Variants in PCDHGB4 observed in about 807,000 individuals in gnomAD.
PCDHGB4 encodes protocadherin gamma-B4.
In PCDHGB4, 38 loss-of-function variants were observed where a neutral mutation model predicts 60.5. That is an observed-to-expected ratio of 0.63 (90% CI 0.48 to 0.82). The LOEUF (loss-of-function observed/expected upper bound fraction) is 0.82, where lower values mean the gene tolerates loss of function less well. Ranked by LOEUF, PCDHGB4 falls within the 40% of genes least tolerant of loss-of-function variation. The probability of loss-of-function intolerance (pLI) is 0.00; values close to 1 mark genes in which losing one functional copy is unlikely to be tolerated. For missense variants in PCDHGB4, 1,109 were observed against 1,209.6 expected (o/e 0.92, Z 1.23); for synonymous variants, 456 against 509.7 (o/e 0.89, Z 1.42).
intron 1 of PCDHGB4, chr5:141,404,653 C>A (rs754039673): frequency 2.4e-5 from 39 of 1,614,206 alleles, no homozygotes; most frequent in Non-Finnish European, 3.1e-5. Flanking sequence ...ACCCTGCCCT[C>A]CCCACTGATG....
chr5:141,420,047 G>T lies in PCDHGB4; in HGVS notation c.2397+29766G>T. ...TACTGCAGGAGACTGCTTTGAGTCA[G>T]TTCTCTGCTCCAAGTCCGGACCTGT... On this transcript the variant is annotated intron_variant, in intron 1 of 3. Coordinates refer to ENST00000519479, the MANE Select transcript of PCDHGB4 (RefSeq NM_003736.4). 3 of 1,614,076 alleles carry T rather than the reference G, an allele frequency of 1.9e-6. No individual in the cohort carries two copies. The South Asian group carries it at 3.3e-5, about 18-fold the overall frequency.
At chr5:141,433,212 T>C (rs747556366) in intron 1 of PCDHGB4, 75 of 1,570,956 alleles carry the variant, frequency 4.8e-5, no homozygotes, top group Non-Finnish European at 6.2e-5. Flanking sequence ...TTCTTTCTTT[T>C]TTTTTTTTAA....
chr5:141,432,395 G>C lies in PCDHGB4; in HGVS notation c.2397+42114G>C, dbSNP rs748660079. The C allele has an allele frequency of 1.2e-6, 2 of 1,614,242 alleles. No homozygotes were observed. The highest frequency in any genetic ancestry group is 4.5e-5 in the East Asian group (2 of 44,882). On this transcript the variant is annotated intron_variant, in intron 1 of 3. Coordinates refer to ENST00000519479, the MANE Select transcript of PCDHGB4 (RefSeq NM_003736.4). The surrounding 1 kb of genome is among the most constrained non-coding windows in gnomAD (Gnocchi z 6.0). The stretch of plus-strand genomic sequence containing the variant: ...CGGGCACCCGCCCCTCAGCAGCAAC[G>C]TGTCGTTGAGCCTGTTCGTGCTGGA...
chr5:141,416,759 C>T (rs1045872662), intron 1 of PCDHGB4: 2 of 152,130 alleles, frequency 1.3e-5, no homozygotes, highest in African/African-American at 4.8e-5. Flanking sequence ...TTAGGTAGAT[C>T]TCTTAATTTT....
chr5:141,408,211 G>A (rs1285774248), intron 1 of PCDHGB4: 1 of 1,554,426 alleles, frequency 6.4e-7, no homozygotes, highest in South Asian at 1.2e-5. Flanking sequence ...CGATGGGAGG[G>A]AGCTGCGCGC....
At chr5:141,481,703 C>T (rs909197135) in intron 1 of PCDHGB4, among the ~76,000 whole-genome samples, 1 of 152,090 alleles carries the variant, frequency 6.6e-6, no homozygotes, top group Admixed American at 6.5e-5. Context: ...CCTGTAATCC[C>T]AGCACTTTGG....
chr5:141,415,105 C>T (rs1472993181), intron 1 of PCDHGB4: 1 of 1,613,652 alleles, frequency 6.2e-7, no homozygotes, highest in African/African-American at 1.3e-5. Flanking sequence ...CGCGCTCAAG[C>T]AAAGCCTCGT....
At chr5:141,452,380 G>A (rs1003689226) in intron 1 of PCDHGB4, among the ~76,000 whole-genome samples, 2 of 152,192 alleles carry the variant, frequency 1.3e-5, no homozygotes, top group Admixed American at 1.3e-4. Context: ...GTAGGGAATA[G>A]TATTTAGAAA....
chr5:141,445,334 A>G (rs1337991795), intron 1 of PCDHGB4, among the ~76,000 whole-genome samples: 1 of 152,224 alleles, frequency 6.6e-6, no homozygotes, highest in African/African-American at 2.4e-5. Context: ...ATCCAGAAAC[A>G]GTAAACATTG....
intron 1 of PCDHGB4, among the ~76,000 whole-genome samples, chr5:141,429,503 C>T (rs890656634): frequency 1.3e-5 from 2 of 151,922 alleles, no homozygotes; most frequent in Admixed American, 6.6e-5. Context: ...TTGCCTGAAA[C>T]TGTGCCTGGC....
At chr5:141,439,077 C>T (rs978045948) in intron 1 of PCDHGB4, among the ~76,000 whole-genome samples, 1 of 151,492 alleles carries the variant, frequency 6.6e-6, no homozygotes, top group Non-Finnish European at 1.5e-5. Flanking sequence ...CCTGTAATCC[C>T]AGCTACTCAG....
chr5:141,459,285 A>G (rs1316912878), intron 1 of PCDHGB4, among the ~76,000 whole-genome samples: 1 of 152,202 alleles, frequency 6.6e-6, no homozygotes, highest in Non-Finnish European at 1.5e-5. Context: ...TTTCATCTAA[A>G]TGGAATCCTA....
chr5:141,405,242 A>G, intron 1 of PCDHGB4: 1 of 1,614,156 alleles, frequency 6.2e-7, no homozygotes, highest in Non-Finnish European at 8.5e-7. Flanking sequence ...CGCTGACTCA[A>G]GGAAGAGTCA....
chr5:141,405,005 G>C (rs1358521218), intron 1 of PCDHGB4: 7 of 1,613,830 alleles, frequency 4.3e-6, no homozygotes, highest in African/African-American at 2.7e-5. Context: ...TGCAGACCTG[G>C]AGGCCTCAGA....
At chr5:141,399,628 G>C in intron 1 of PCDHGB4, 1 of 1,613,890 alleles carries the variant, frequency 6.2e-7, no homozygotes, top group Non-Finnish European at 8.5e-7. Flanking sequence ...GGCCTCTTAC[G>C]TGTCCATGAG....
intron 1 of PCDHGB4, among the ~76,000 whole-genome samples, chr5:141,466,449 T>C (rs2154569205): frequency 6.6e-6 from 1 of 152,358 alleles, no homozygotes; most frequent in Admixed American, 6.5e-5. Flanking sequence ...ATGTCTATGG[T>C]GTTGGCTATT....
At chr5:141,392,676 C>T in intron 1 of PCDHGB4, 1 of 917,280 alleles carries the variant, frequency 1.1e-6, no homozygotes, top group East Asian at 2.7e-5. Context: ...AACTGCTGGA[C>T]TGCAGCGAAA....
At chr5:141,478,016 G>A (rs1204231648) in intron 1 of PCDHGB4, 1 of 1,614,108 alleles carries the variant, frequency 6.2e-7, no homozygotes, top group Non-Finnish European at 8.5e-7. Context: ...TGCCCGTCCA[G>A]TCCAAGACAC....
intron 1 of PCDHGB4, chr5:141,404,696 G>T: frequency 6.2e-7 from 1 of 1,614,104 alleles, no homozygotes; most frequent in South Asian, 1.1e-5. Flanking sequence ...ACCCCGCTCT[G>T]CAGAGCCTGG....
Sources: allele counts gnomAD v4.1 joint callset (sites outside exome capture counted in the v4.1 genomes callset), GRCh38; gene constraint gnomAD v4.1.1; non-coding constraint Gnocchi (gnomAD v3.1); transcripts MANE v1.5; gene names NCBI Gene and HGNC (gene_info 2026-07-23, HGNC 2026-07-21).